SLIT1: variants seen among roughly 807,000 people sequenced by gnomAD.
The protein encoded by SLIT1 is slit homolog 1 protein.
In SLIT1, 66 loss-of-function variants were observed where a neutral mutation model predicts 186.1. That is an observed-to-expected ratio of 0.35 (90% confidence interval 0.29 to 0.44). SLIT1 has a LOEUF of 0.44. Ranked by LOEUF, SLIT1 falls within the 20% of genes least tolerant of loss-of-function variation. The pLI is 1.00. For missense variants in SLIT1, 1,638 were observed against 2,037.4 expected (o/e 0.80, Z 3.77); for synonymous variants, 761 against 833.8 (o/e 0.91, Z 1.50).
rs532198422 is a variant in SLIT1, at chr10:97,003,774, A to G, written c.3865+294T>C. ...CTGAAGCCATTGAAAAGCCCCTTCT[A>G]GCCCAAAACCAAGAGGAAATGTGCC... is the stretch of plus-strand genomic sequence containing the variant. On this transcript the variant is annotated intron_variant, in intron 34 of 36. Coordinates refer to ENST00000266058, the MANE Select transcript of SLIT1 (RefSeq NM_003061.3). 3.9e-5 allele frequency among the ~76,000 whole-genome samples: 6 copies of G among 152,308 alleles called. No homozygotes were observed. The East Asian group carries it at 7.7e-4, about 20-fold the overall frequency.
At chr10:97,030,449 C>G (rs1240641825) in intron 25 of SLIT1, among the ~76,000 whole-genome samples, 1 of 152,196 alleles carries the variant, frequency 6.6e-6, no homozygotes, top group African/African-American at 2.4e-5. Flanking sequence ...AAGATGAGAA[C>G]CACAGCACCT....
chr10:97,006,575 C>G lies in SLIT1; in HGVS notation c.3487G>C (p.Glu1163Gln), dbSNP rs756088173. 7 of 1,614,102 alleles carry G rather than the reference C, an allele frequency of 4.3e-6. No individual in the cohort carries two copies. Among genetic ancestry groups the G allele is most frequent in the Non-Finnish European group, 5.1e-6 (6 of 1,180,044 alleles). ...CLPGFGGPEC[E>Q]KLLSVNFVDR... is the part of the protein sequence containing the mutation. ...ACAAAGTTGACACTGAGCAACTTCT[C>G]ACACTCAGGGCCACCGAAGCCTGGG... The change falls in exon 32 of 37, where the codon GAG (glutamate) becomes CAG (glutamine). Residue 1163 changes from glutamate to glutamine, a missense_variant. This residue lies in a region of SLIT1 where 1,245 missense variants were observed against 1,535.3 expected (regional missense o/e 0.81). Coordinates refer to ENST00000266058, the MANE Select transcript of SLIT1 (RefSeq NM_003061.3). The surrounding 1 kb of genome is among the most constrained non-coding windows in gnomAD (Gnocchi z 4.0).
intron 21 of SLIT1, among the ~76,000 whole-genome samples, chr10:97,039,127 A>G (rs574990867): frequency 6.6e-6 from 1 of 152,318 alleles, no homozygotes; most frequent in South Asian, 2.1e-4. Flanking sequence ...TGGTAATGCA[A>G]GAAATAACAA....
At chr10:97,090,978 G>A (rs151129427) in intron 4 of SLIT1, among the ~76,000 whole-genome samples, 69 of 152,314 alleles carry the variant, frequency 4.5e-4, no homozygotes, top group African/African-American at 1.5e-3. Context: ...CCCCAGGAGG[G>A]GTTTGTTCAA....
intron 4 of SLIT1, among the ~76,000 whole-genome samples, chr10:97,126,275 G>A (rs759682211): frequency 1.1e-4 from 16 of 152,212 alleles, no homozygotes; most frequent in Non-Finnish European, 1.6e-4. Context: ...AGACGTGAAC[G>A]TGCACATGGG....
At chr10:97,164,165 G>A (rs1850070420) in intron 2 of SLIT1, among the ~76,000 whole-genome samples, 1 of 152,216 alleles carries the variant, frequency 6.6e-6, no homozygotes, top group African/African-American at 2.4e-5. Flanking sequence ...ATTGACTGTT[G>A]CGTGATAACT....
chr10:97,160,121 T>C (rs891144432), intron 3 of SLIT1, among the ~76,000 whole-genome samples: 1 of 151,996 alleles, frequency 6.6e-6, no homozygotes, highest in Non-Finnish European at 1.5e-5. Context: ...CACACTCCAC[T>C]CCTCTCCACC....
intron 4 of SLIT1, among the ~76,000 whole-genome samples, chr10:97,151,537 A>G: frequency 7.1e-6 from 1 of 140,872 alleles, no homozygotes; most frequent in Non-Finnish European, 1.5e-5. Context: ...GGTAGATGGG[A>G]GGTGAAGGGC....
intron 4 of SLIT1, among the ~76,000 whole-genome samples, chr10:97,067,617 C>A (rs1005363871): frequency 6.6e-6 from 1 of 152,148 alleles, no homozygotes; most frequent in African/African-American, 2.4e-5. Flanking sequence ...TGCGGCAGCC[C>A]TGGGGGTAGG....
chr10:97,122,049 T>C (rs1301914115), intron 4 of SLIT1, among the ~76,000 whole-genome samples: 1 of 152,208 alleles, frequency 6.6e-6, no homozygotes, highest in East Asian at 1.9e-4. Flanking sequence ...GTTAGTAAGT[T>C]ACAGAACCTC....
intron 4 of SLIT1, among the ~76,000 whole-genome samples, chr10:97,074,334 T>C (rs537044920): frequency 5.0e-4 from 76 of 152,336 alleles, no homozygotes; most frequent in Non-Finnish European, 1.0e-3. Context: ...TAGTTAGGAC[T>C]GGCCAAGGGA....
chr10:97,002,585 A>T, intron 35 of SLIT1, 119 bp downstream of exon 35: 6 of 1,027,982 alleles, frequency 5.8e-6, no homozygotes, highest in Non-Finnish European at 8.3e-6. Context: ...GATAAAAGTA[A>T]TAAAACCCTG....
At chr10:97,040,178 CCTACA>C in intron 20 of SLIT1, 58 bp from the exon 21 acceptor site, 1 of 1,472,602 alleles carries the variant, frequency 6.8e-7, no homozygotes, top group Non-Finnish European at 9.0e-7. Context: ...TGTAGGGCCT[CCTACA>C]GTCAGGGCCA....
Position 97,059,509 on chromosome 10 carries a change from C to G in SLIT1, c.1036G>C (p.Ala346Pro). ...RRIDLSNNQIAEIAPDAFQGL... is the reference protein window; with the variant it reads ...RRIDLSNNQIPEIAPDAFQGL... ...TGGAAGGCGTCGGGTGCAATCTCAG[C>G]GATCTGATTGTTGCTCAGGTCTCTG... Residue 346 changes from alanine (A) to proline (P), a missense_variant, in exon 11 of 37, where the codon GCT (alanine) becomes CCT (proline). Coordinates refer to ENST00000266058, the MANE Select transcript of SLIT1 (RefSeq NM_003061.3). The G allele has an allele frequency of 6.2e-7, 1 of 1,613,756 alleles. No homozygotes were observed. The highest frequency in any genetic ancestry group is 8.5e-7 in the Non-Finnish European group (1 of 1,179,948).
intron 25 of SLIT1, among the ~76,000 whole-genome samples, chr10:97,027,099 A>C (rs4919062): frequency 0.068 from 10,341 of 152,222 alleles, 476 homozygotes; most frequent in East Asian, 0.23. Flanking sequence ...TCTCAGTAAC[A>C]TCAGCACCTT....
At position 97,185,497 on chromosome 10, in the gene SLIT1, G is replaced by A. The variant is rs1202080877; in HGVS notation, c.178C>T (p.Pro60Ser). The change falls in exon 1 of 37, where the codon CCT becomes TCT. Residue 60 changes from proline to serine, a missense_variant. Transcript: ENST00000266058. The part of the protein sequence containing the change: ...TGLQAIPKNI[P>S]RNTERLELNG... The stretch of plus-strand genomic sequence containing the variant: ...ACTCACAGGCGCTCGGTGTTCCGAG[G>A]TATATTCTTGGGAATGGCCTGCAGC... 1 of 1,612,338 alleles carries A rather than the reference G, an allele frequency of 6.2e-7. No individual in the cohort carries two copies. The highest frequency in any genetic ancestry group is 1.7e-5 in the Admixed American group (1 of 59,988).
intron 21 of SLIT1, 50 bp from the exon 22 acceptor site, chr10:97,037,816 G>A (rs1023744624): frequency 6.6e-6 from 10 of 1,507,486 alleles, no homozygotes; most frequent in Admixed American, 3.5e-5. Flanking sequence ...CTCTGGTGGT[G>A]CCCCATGCTG....
chr10:97,171,263 G>A (rs1038008557), intron 1 of SLIT1, among the ~76,000 whole-genome samples: 1 of 152,136 alleles, frequency 6.6e-6, no homozygotes, highest in Non-Finnish European at 1.5e-5. Context: ...GGGGCCCACA[G>A]AGGCCTAACA....
intron 1 of SLIT1, among the ~76,000 whole-genome samples, chr10:97,185,021 G>C (rs375045557): frequency 2.0e-5 from 3 of 152,384 alleles, no homozygotes; most frequent in African/African-American, 4.8e-5. Context: ...GCTGCCCTTC[G>C]TCAGGAGCAA....
Sources: allele counts gnomAD v4.1 joint callset (sites outside exome capture counted in the v4.1 genomes callset), GRCh38; gene constraint gnomAD v4.1.1; regional missense constraint gnomAD v4.1.1; non-coding constraint Gnocchi (gnomAD v3.1); transcripts MANE v1.5; gene names NCBI Gene and HGNC (gene_info 2026-07-23, HGNC 2026-07-21).